The following WNK1 variants were observed in gnomAD, a reference collection of about 807,000 sequenced individuals.
The protein encoded by WNK1 is WNK lysine deficient protein kinase 1, also known as serine/threonine-protein kinase WNK1.
WNK1 carries 38 observed loss-of-function variants against 222.8 expected under a neutral mutation model. That is an observed-to-expected ratio of 0.17 (90% CI 0.13 to 0.22). WNK1 has a LOEUF of 0.22. Ranked by LOEUF, WNK1 falls within the 10% of genes least tolerant of loss-of-function variation. The probability of loss-of-function intolerance (pLI) is 1.00; values close to 1 mark genes in which losing one functional copy is unlikely to be tolerated. For missense variants in WNK1, 2,348 were observed against 2,918.4 expected (o/e 0.80, Z 4.50); for synonymous variants, 1,090 against 1,092.9 (o/e 1.00, Z 0.05).
At chr12:813,603 T>C in intron 1 of WNK1, 39 bp from the exon 2 acceptor site, 1 of 1,603,376 alleles carries the variant, frequency 6.2e-7, no homozygotes, top group South Asian at 1.1e-5. Flanking sequence ...TGGTGTTTTA[T>C]CATTTTAAAC....
At chr12:907,737 A>T in intron 26 of WNK1, 110 bp from the exon 27 acceptor site, 1 of 1,310,062 alleles carries the variant, frequency 7.6e-7, no homozygotes, top group Non-Finnish European at 1.1e-6. Flanking sequence ...TTCCCAGTTC[A>T]TCCTCTTCTC....
rs886049859 is a variant in WNK1 at position 753,198 on chromosome 12, G to C, written c.-368G>C. The C allele has an allele frequency of 1.1e-5, 2 of 188,096 alleles. No homozygotes were observed. Among genetic ancestry groups the C allele is most frequent in the African/African-American group, 4.7e-5 (2 of 42,602 alleles). 11.7% of individuals were successfully genotyped at this position (188,096 alleles called of 1,614,324 possible). On this transcript the variant is annotated 5_prime_UTR_variant, in exon 1 of 28. Transcript: ENST00000315939. The surrounding 1 kb of genome is among the most constrained non-coding windows in gnomAD (Gnocchi z 5.2). ...GCGTCCGCCGCATCCGCCTCGACTC[G>C]GTGCCGGCCCCTGGCCCTCCCCTCA...
chr12:854,375 T>TTTTTG (rs1950623681), intron 4 of WNK1, among the ~76,000 whole-genome samples: 2 of 147,668 alleles, frequency 1.4e-5, no homozygotes, highest in Admixed American at 6.7e-5. Context: ...TTGTTTTTTT[T>TTTTTG]GAGACAGAGG....
chr12:813,852 A>G (rs1197568318), intron 2 of WNK1, 38 bp downstream of exon 2: 2 of 1,605,674 alleles, frequency 1.2e-6, no homozygotes, highest in Non-Finnish European at 1.7e-6. Flanking sequence ...ACCAAGAAGT[A>G]TGAGAGAATT....
At chr12:865,192 T>C (rs1352833167) in intron 8 of WNK1, 1 of 1,535,898 alleles carries the variant, frequency 6.5e-7, no homozygotes, top group East Asian at 2.4e-5. Context: ...CCAGTGCTCT[T>C]CCACCCCACC....
chr12:848,303 C>T (rs1366192240), intron 4 of WNK1, among the ~76,000 whole-genome samples: 1 of 151,968 alleles, frequency 6.6e-6, no homozygotes, highest in African/African-American at 2.4e-5. Context: ...ATGTCAGATG[C>T]TTAAATGGAG....
At chr12:856,192 A>G (rs967811379) in intron 4 of WNK1, among the ~76,000 whole-genome samples, 1 of 151,780 alleles carries the variant, frequency 6.6e-6, no homozygotes, top group Non-Finnish European at 1.5e-5. Context: ...TCACGCCTGT[A>G]ATCCCGGCAC....
intron 24 of WNK1, among the ~76,000 whole-genome samples, 154 bp downstream of exon 24, chr12:896,886 C>CCACACACA (rs34202153): frequency 2.0e-3 from 270 of 134,610 alleles, no homozygotes; most frequent in African/African-American, 7.4e-3. Context: ...TACCTCCCCA[C>CCACACACA]CACACACACA....
intron 1 of WNK1, among the ~76,000 whole-genome samples, chr12:805,914 AT>A (rs1946329696): frequency 6.6e-6 from 1 of 152,128 alleles, no homozygotes; most frequent in African/African-American, 2.4e-5. Context: ...TTTTTCTGAA[AT>A]TTAAAGAAGA....
Position 908,859 on chromosome 12 carries a change from G to T in WNK1, c.*67G>T. The T allele has an allele frequency of 1.4e-6, 1 of 738,382 alleles. No homozygotes were observed. The highest frequency in any genetic ancestry group is 2.0e-5 in the Admixed American group (1 of 50,648). 45.7% of individuals were successfully genotyped at this position (738,382 alleles called of 1,614,324 possible). On this transcript the variant is annotated 3_prime_UTR_variant, in exon 28 of 28. Transcript: ENST00000315939. The stretch of plus-strand genomic sequence containing the variant: ...GAATGCTGAGGGGGTGGGTGGGGGT[G>T]GGAAGTAGCCTATATACTAACTACT...
At position 884,765 on chromosome 12, in the gene WNK1, A is replaced by G; in HGVS notation, c.3961A>G (p.Thr1321Ala). The G allele has an allele frequency of 6.2e-7, 1 of 1,614,170 alleles. No individual in the cohort carries two copies. Among genetic ancestry groups the G allele is most frequent in the Non-Finnish European group, 8.5e-7 (1 of 1,180,008 alleles). The change falls in exon 19 of 28, where the codon ACA becomes GCA. Residue 1321 changes from threonine (T) to alanine (A), a missense_variant. Thr to Ala is a moderately conservative substitution (Grantham distance 58). Around this residue, in one of 13 missense-constraint regions of WNK1, gnomAD observed 1,144 missense variants for 1,273.6 expected, o/e 0.90. Transcript: ENST00000315939. The surrounding 1 kb of genome is among the most constrained non-coding windows in gnomAD (Gnocchi z 5.6). ...TGCCCAAATGACAGAAGGACCCAAC[A>G]CAGCACCTCCAAACTTTAGTCATAC... is the stretch of plus-strand genomic sequence containing the variant. ...RRAQMTEGPN[T>A]APPNFSHTGP...
chr12:895,655 C>T (rs1954675322), intron 23 of WNK1, among the ~76,000 whole-genome samples: 1 of 152,002 alleles, frequency 6.6e-6, no homozygotes. Context: ...GACAGGGTTT[C>T]ACCACGTTGG....
intron 1 of WNK1, among the ~76,000 whole-genome samples, chr12:791,775 A>AT (rs11346820): frequency 6.6e-6 from 1 of 151,888 alleles, no homozygotes; most frequent in Non-Finnish European, 1.5e-5. Flanking sequence ...TTTCTTGATA[A>AT]TTTTTTTTAT....
Position 753,880 on chromosome 12 carries a change from C to G in WNK1, c.315C>G (p.Pro105=). 1 of 1,612,262 alleles carries G rather than the reference C, an allele frequency of 6.2e-7. No homozygotes were observed. Among genetic ancestry groups the G allele is most frequent in the South Asian group, 1.1e-5 (1 of 91,050 alleles). The change falls in exon 1 of 28, where the codon CCC becomes CCG. Residue 105 remains proline (P), a synonymous_variant. Transcript: ENST00000315939. The surrounding 1 kb of genome is among the most constrained non-coding windows in gnomAD (Gnocchi z 5.2). ...LPGLPLSLPQ[P]SIPAAVPQSA... is the part of the protein sequence containing the mutation. The stretch of plus-strand genomic sequence containing the variant: ...GCCTTCCTCTTTCCCTGCCCCAGCC[C>G]AGCATCCCCGCGGCTGTCCCGCAGA...
rs1314164432 is a variant in WNK1, at chr12:857,216, T to C, written c.1367T>C (p.Ile456Thr). ...KVAIPEVKEI[I>T]EGCIRQNKDE... The stretch of plus-strand genomic sequence containing the variant: ...GCAATTCCTGAAGTGAAGGAAATTA[T>C]TGAAGGATGCATACGACAAAACAAA... The change falls in exon 5 of 28, where the codon ATT becomes ACT. Residue 456 changes from isoleucine to threonine, a missense_variant. Around this residue, in one of 13 missense-constraint regions of WNK1, gnomAD observed 37 missense variants for 102.8 expected, o/e 0.36. Coordinates refer to ENST00000315939, the MANE Select transcript of WNK1 (RefSeq NM_018979.4). 4 of 1,614,228 alleles carry C rather than the reference T, an allele frequency of 2.5e-6. No individual in the cohort carries two copies. Among genetic ancestry groups the C allele is most frequent in the Non-Finnish European group, 3.4e-6 (4 of 1,180,030 alleles).
chr12:896,011 T>G, intron 23 of WNK1, 60 bp from the exon 24 acceptor site: 1 of 1,605,530 alleles, frequency 6.2e-7, no homozygotes, highest in Non-Finnish European at 8.5e-7. Flanking sequence ...TTTTAAATTG[T>G]CTGTGATAGA....
chr12:894,001 T>A (rs1954521662), intron 22 of WNK1, among the ~76,000 whole-genome samples: 2 of 152,010 alleles, frequency 1.3e-5, no homozygotes, highest in Admixed American at 1.3e-4. Context: ...GCATATTACC[T>A]GAGGTCAGGA....
At chr12:863,236 T>A (rs1232183110) in intron 8 of WNK1, among the ~76,000 whole-genome samples, 3 of 152,164 alleles carry the variant, frequency 2.0e-5, no homozygotes, top group African/African-American at 7.2e-5. Context: ...GTTAAGAAAA[T>A]ACTTCTGCTT....
At position 801,306 on chromosome 12, in the gene WNK1, G is replaced by C. The variant is rs146467971; in HGVS notation, c.760-12336G>C. 1.7e-3 allele frequency among the ~76,000 whole-genome samples: 262 copies of C among 152,320 alleles called. 1 individual carries two copies. Among genetic ancestry groups the C allele is most frequent in the African/African-American group, 6.2e-3 (257 of 41,566 alleles). On this transcript the variant is annotated intron_variant, in intron 1 of 27. Transcript: ENST00000315939. ...ACAAGCCTGTTCTTTGGTGTCACGT[G>C]TATCGCTCTTTGGTTGTTTGCTTAG...
Sources: gnomAD v4.1 joint callset for allele counts (sites outside exome capture counted in the v4.1 genomes callset) on GRCh38, gnomAD v4.1.1 for gene constraint, gnomAD v4.1.1 regional missense constraint, Gnocchi (gnomAD v3.1) non-coding constraint, MANE v1.5 for transcripts, NCBI Gene and HGNC (gene_info 2026-07-23, HGNC 2026-07-21) for gene names.